PPFIBP1: variants seen among roughly 807,000 people sequenced by gnomAD.
PPFIBP1 encodes the protein liprin-beta-1.
A neutral mutation model predicts 137.8 loss-of-function variants in PPFIBP1; 112 were observed. The observed-to-expected ratio is 0.81, with a 90% CI of 0.70 to 0.95. The LOEUF is 0.95. PPFIBP1 is among the 40% of genes least tolerant of loss of function. The pLI is 0.00. For missense variants in PPFIBP1, 1,083 were observed against 1,196.6 expected (o/e 0.91, Z 1.40); for synonymous variants, 378 against 417.3 (o/e 0.91, Z 1.15).
chr12:27,645,262 T>C (rs1439247272), intron 4 of PPFIBP1, among the ~76,000 whole-genome samples: 2 of 152,248 alleles, frequency 1.3e-5, no homozygotes, highest in Admixed American at 6.5e-5. Flanking sequence ...ACACCACTTA[T>C]GCTACTACGT....
chr12:27,572,238 A>G (rs951687660), intron 1 of PPFIBP1, among the ~76,000 whole-genome samples: 1 of 152,218 alleles, frequency 6.6e-6, no homozygotes, highest in Non-Finnish European at 1.5e-5. Flanking sequence ...ATTTGCCACA[A>G]AGAAAAATTG....
chr12:27,694,633 G>C lies in PPFIBP1; in HGVS notation c.*1751G>C, dbSNP rs1221799422. 1 of 152,200 alleles carries C rather than the reference G, an allele frequency of 6.6e-6. No homozygotes were observed. Among genetic ancestry groups the C allele is most frequent in the African/African-American group, 2.4e-5 (1 of 41,450 alleles). The allele number at this position is 152,200 out of a possible 1,614,324, so 9.4% of individuals were successfully genotyped here. A position where few individuals can be genotyped will look rare whatever the true frequency, so the allele number is the denominator to read the frequency against. On this transcript the variant is annotated 3_prime_UTR_variant, in exon 30 of 30. Transcript: ENST00000228425. ...GATAAGATGTAGTTCATGTTTTTCTGTAGCACTGGGCCCAAATATTCTTTG... is the reference window on the plus strand; with the variant it reads ...GATAAGATGTAGTTCATGTTTTTCTCTAGCACTGGGCCCAAATATTCTTTG...
intron 6 of PPFIBP1, among the ~76,000 whole-genome samples, chr12:27,648,404 T>C (rs1216705762): frequency 1.1e-4 from 16 of 152,218 alleles, no homozygotes; most frequent in Non-Finnish European, 5.9e-5. Flanking sequence ...TTGGTGGGAA[T>C]GTAAATTCAT....
chr12:27,661,483 C>G (rs1308021060), intron 11 of PPFIBP1, among the ~76,000 whole-genome samples: 1 of 152,166 alleles, frequency 6.6e-6, no homozygotes, highest in African/African-American at 2.4e-5. Flanking sequence ...TTTCCTCCCC[C>G]CCCAGTTGGT....
intron 19 of PPFIBP1, chr12:27,677,395 T>C: frequency 4.4e-6 from 2 of 451,082 alleles, no homozygotes; most frequent in Non-Finnish European, 8.0e-6. Context: ...GCATTGTACA[T>C]TGCAGCTCTT....
At chr12:27,652,174 A>C (rs867967807) in intron 7 of PPFIBP1, among the ~76,000 whole-genome samples, 2 of 152,240 alleles carry the variant, frequency 1.3e-5, no homozygotes, top group South Asian at 2.1e-4. Flanking sequence ...CATAATATTT[A>C]ACTTTCTCTT....
At chr12:27,596,999 G>T (rs2053387668) in intron 2 of PPFIBP1, among the ~76,000 whole-genome samples, 1 of 152,136 alleles carries the variant, frequency 6.6e-6, no homozygotes, top group Non-Finnish European at 1.5e-5. Context: ...ATTCCTGGGG[G>T]AATTGATCCA....
chr12:27,529,203 A>G (rs1287717580), intron 1 of PPFIBP1, among the ~76,000 whole-genome samples: 1 of 152,210 alleles, frequency 6.6e-6, no homozygotes, highest in Non-Finnish European at 1.5e-5. Context: ...GATTTTATGG[A>G]CACCCTCTGG....
At chr12:27,605,632 C>T (rs186605069) in intron 2 of PPFIBP1, among the ~76,000 whole-genome samples, 89 of 152,160 alleles carry the variant, frequency 5.8e-4, no homozygotes, top group African/African-American at 2.0e-3. Flanking sequence ...TTGCACTTTA[C>T]ACTTATGACA....
At position 27,689,019 on chromosome 12, in the gene PPFIBP1, T is replaced by C; in HGVS notation, c.2501T>C (p.Leu834Pro). Residue 834 changes from leucine (L) to proline (P), a missense_variant, in exon 27 of 30, where the codon CTA becomes CCA. By Grantham distance (98) the Leu-to-Pro change is moderately conservative. Transcript: ENST00000228425. ...GSGVHGGLMV[L>P]EPRFNVETMA... ...TTTTTTTTTTTCTTTAAACAGGTTC[T>C]AGAGCCTCGTTTTAACGTAGAAACA... 6.2e-7 allele frequency: 1 copy of C among 1,612,686 alleles called. No homozygotes were observed. The highest frequency in any genetic ancestry group is 8.5e-7 in the Non-Finnish European group (1 of 1,179,492).
chr12:27,618,115 T>C (rs909999245), intron 2 of PPFIBP1, among the ~76,000 whole-genome samples: 4 of 152,248 alleles, frequency 2.6e-5, no homozygotes, highest in Admixed American at 1.3e-4. Flanking sequence ...TCCATTAATA[T>C]TCTATTCTTT....
chr12:27,617,836 G>C (rs1245642815), intron 2 of PPFIBP1, among the ~76,000 whole-genome samples: 2 of 152,116 alleles, frequency 1.3e-5, no homozygotes, highest in Non-Finnish European at 2.9e-5. Context: ...TCACTTTGGA[G>C]CACTAGTCCT....
chr12:27,650,233 T>G, intron 7 of PPFIBP1, 92 bp downstream of exon 7: 1 of 1,156,872 alleles, frequency 8.6e-7, no homozygotes, highest in Admixed American at 2.6e-5. Flanking sequence ...AAAGTTGAAA[T>G]TCCCTGGAGG....
chr12:27,624,467 A>T (rs998377853), intron 2 of PPFIBP1, among the ~76,000 whole-genome samples: 23 of 152,250 alleles, frequency 1.5e-4, no homozygotes, highest in Admixed American at 1.1e-3. Flanking sequence ...GAAGTAAAAG[A>T]TCTTGGCTTA....
At chr12:27,686,056 G>A (rs2061182772) in intron 24 of PPFIBP1, among the ~76,000 whole-genome samples, 1 of 152,138 alleles carries the variant, frequency 6.6e-6, no homozygotes, top group Admixed American at 6.5e-5. Flanking sequence ...CTAGTTAGAT[G>A]AAAAGAGTCC....
intron 11 of PPFIBP1, among the ~76,000 whole-genome samples, chr12:27,663,715 G>A (rs939793527): frequency 2.0e-5 from 3 of 151,876 alleles, no homozygotes; most frequent in Admixed American, 6.6e-5. Context: ...TGGTGCATGC[G>A]TGTACTCCCA....
At chr12:27,609,789 C>G (rs1445740576) in intron 2 of PPFIBP1, among the ~76,000 whole-genome samples, 1 of 152,158 alleles carries the variant, frequency 6.6e-6, no homozygotes, top group Non-Finnish European at 1.5e-5. Context: ...GTTTCACTTC[C>G]TGAACTAAAG....
At position 27,674,204 on chromosome 12, in the gene PPFIBP1, A is replaced by G; in HGVS notation, c.1393A>G (p.Ile465Val). The part of the protein sequence containing the change: ...KETSDGEKET[I>V]QKTSEDRAPA... ...TTGCTTTGAACAGGAAAAGGAAACT[A>G]TTCAGAAGACTTCAGAGGTAACTTT... Residue 465 changes from isoleucine to valine, a missense_variant, in exon 17 of 30, where the codon ATT becomes GTT. By Grantham distance (29) the Ile-to-Val change is conservative. Transcript: ENST00000228425. The G allele has an allele frequency of 6.3e-7, 1 of 1,596,310 alleles. No individual in the cohort carries two copies. The highest frequency in any genetic ancestry group is 8.5e-7 in the Non-Finnish European group (1 of 1,170,776).
At chr12:27,664,502 C>A in intron 12 of PPFIBP1, 56 bp downstream of exon 12, 1 of 1,228,200 alleles carries the variant, frequency 8.1e-7, no homozygotes, top group Non-Finnish European at 1.2e-6. Flanking sequence ...TGGCTATAAA[C>A]TTACACATTT....
Sources: allele counts gnomAD v4.1 joint callset (sites outside exome capture counted in the v4.1 genomes callset), GRCh38; gene constraint gnomAD v4.1.1; transcripts MANE v1.5; gene names NCBI Gene and HGNC (gene_info 2026-07-23, HGNC 2026-07-21).